Variants in MGAT4C observed in about 807,000 individuals in gnomAD.
MGAT4C encodes MGAT4 family member C.
A neutral mutation model predicts 40.1 loss-of-function variants in MGAT4C; 19 were observed. That is an observed-to-expected ratio of 0.47 (90% CI 0.33 to 0.70). The LOEUF is 0.70. MGAT4C is among the 30% of genes least tolerant of loss of function. The pLI is 0.02. For synonymous variants in MGAT4C, 181 were observed against 187.1 expected (o/e 0.97, Z 0.27); for missense variants, 491 against 563.2 (o/e 0.87, Z 1.30).
chr12:86,825,041 A>T (rs1277647707), intron 1 of MGAT4C, among the ~76,000 whole-genome samples: 2 of 151,374 alleles, frequency 1.3e-5, no homozygotes, highest in East Asian at 1.9e-4. Flanking sequence ...ATCAAAAATG[A>T]CTAGAAAAAC....
At chr12:86,607,265 TTTA>T (rs1207681349) in intron 2 of MGAT4C, among the ~76,000 whole-genome samples, 5 of 152,040 alleles carry the variant, frequency 3.3e-5, no homozygotes, top group African/African-American at 1.2e-4. Flanking sequence ...TAAAACTACA[TTTA>T]TTATTAACTT....
Position 85,980,119 on chromosome 12 carries a change from T to A in MGAT4C, c.607A>T (p.Asn203Tyr), listed in dbSNP as rs1884386243. Residue 203 changes from asparagine (N) to tyrosine (Y), a missense_variant, in exon 5 of 5, where the codon AAT becomes TAT. Physicochemically the swap from Asn to Tyr is moderately radical, Grantham distance 143 (BLOSUM62 -2). Transcript: ENST00000611864. ...EDRVKFRSKQ[N>Y]VDYAFLLNFC... Reference sequence around the variant, plus strand: ...TTAAGCAGAAAAGCATAATCTACATTTTGCTTGGAACGAAATTTGACTCTA... The same window carrying A: ...TTAAGCAGAAAAGCATAATCTACATATTGCTTGGAACGAAATTTGACTCTA... 1 of 1,613,898 alleles carries A rather than the reference T, an allele frequency of 6.2e-7. No individual in the cohort carries two copies. Among genetic ancestry groups the A allele is most frequent in the Non-Finnish European group, 8.5e-7 (1 of 1,179,876 alleles).
chr12:86,549,749 T>C (rs1959254778), intron 2 of MGAT4C, among the ~76,000 whole-genome samples: 1 of 152,114 alleles, frequency 6.6e-6, no homozygotes, highest in African/African-American at 2.4e-5. Flanking sequence ...AAGATTTGAC[T>C]GGAGGGAGAG....
intron 1 of MGAT4C, among the ~76,000 whole-genome samples, chr12:86,167,362 G>A (rs1319326298): frequency 6.6e-6 from 1 of 152,146 alleles, no homozygotes; most frequent in Non-Finnish European, 1.5e-5. Flanking sequence ...TGATGTAGAT[G>A]GTGGTTAATA....
chr12:86,163,447 C>T (rs1159690631), intron 1 of MGAT4C, among the ~76,000 whole-genome samples: 1 of 152,130 alleles, frequency 6.6e-6, no homozygotes, highest in Admixed American at 6.5e-5. Context: ...CCACCTCAGC[C>T]TCCAAAACTG....
intron 3 of MGAT4C, among the ~76,000 whole-genome samples, chr12:86,408,753 A>G (rs1956539962): frequency 6.6e-6 from 1 of 151,842 alleles, no homozygotes; most frequent in South Asian, 2.1e-4. Flanking sequence ...CTCTTTGAAT[A>G]GATTGATCTC....
intron 2 of MGAT4C, among the ~76,000 whole-genome samples, chr12:86,553,850 G>T (rs1270614695): frequency 6.6e-6 from 1 of 152,030 alleles, no homozygotes; most frequent in South Asian, 2.1e-4. Context: ...ATAAATATAT[G>T]AATACCTGCC....
intron 3 of MGAT4C, among the ~76,000 whole-genome samples, chr12:86,422,736 C>A (rs1249462696): frequency 6.6e-6 from 1 of 152,102 alleles, no homozygotes; most frequent in African/African-American, 2.4e-5. Context: ...ATTTAAAATT[C>A]AATTGTACTG....
chr12:85,994,400 T>C (rs554563791), intron 2 of MGAT4C, among the ~76,000 whole-genome samples: 7 of 152,246 alleles, frequency 4.6e-5, no homozygotes, highest in Non-Finnish European at 8.8e-5. Context: ...TGAGAACATT[T>C]ACACCCATTG....
At chr12:86,266,057 C>T (rs1420745189) in intron 4 of MGAT4C, among the ~76,000 whole-genome samples, 2 of 151,860 alleles carry the variant, frequency 1.3e-5, no homozygotes, top group Admixed American at 1.3e-4. Context: ...TAGGTTTTTC[C>T]ACCTGTAAGA....
At chr12:85,989,798 GA>G (rs542001061) in intron 2 of MGAT4C, among the ~76,000 whole-genome samples, 6 of 152,056 alleles carry the variant, frequency 3.9e-5, no homozygotes, top group Admixed American at 3.3e-4. Flanking sequence ...AGTTACTGAC[GA>G]AAAAAGATGA....
intron 1 of MGAT4C, among the ~76,000 whole-genome samples, chr12:86,092,170 T>C (rs1215346372): frequency 1.3e-5 from 2 of 152,130 alleles, no homozygotes; most frequent in African/African-American, 4.8e-5. Context: ...AGCTACCTCA[T>C]GCTCAAACAG....
chr12:86,161,161 C>T (rs1885546487), intron 1 of MGAT4C, among the ~76,000 whole-genome samples: 1 of 151,858 alleles, frequency 6.6e-6, no homozygotes, highest in Admixed American at 6.6e-5. Context: ...AAAATGATTC[C>T]AAAATTCACA....
In MGAT4C at chr12:86,109,388, TG is replaced by T. The variant is rs202244235; in HGVS notation, c.-56-59666del. Among the ~76,000 whole-genome samples, 5 of 152,250 alleles carry T rather than the reference TG, an allele frequency of 3.3e-5. No homozygotes were observed. The East Asian group carries it at 9.7e-4, about 29-fold the overall frequency. ...GAAGTCATATTCTTATACTAGCTATTGTTTCTGAGTTTTCTTAAAGAGTTAA... is the reference window on the plus strand; with the variant it reads ...GAAGTCATATTCTTATACTAGCTATTTTTCTGAGTTTTCTTAAAGAGTTAA... On this transcript the variant is annotated intron_variant, in intron 1 of 4. Transcript: ENST00000611864.
intron 1 of MGAT4C, among the ~76,000 whole-genome samples, chr12:86,159,457 T>C (rs568556637): frequency 6.6e-6 from 1 of 152,060 alleles, no homozygotes; most frequent in African/African-American, 2.4e-5. Context: ...TGTGTCTATG[T>C]TCATGAGGGA....
chr12:86,014,895 C>T (rs1888911056), intron 2 of MGAT4C, among the ~76,000 whole-genome samples: 1 of 151,698 alleles, frequency 6.6e-6, no homozygotes, highest in South Asian at 2.1e-4. Context: ...GATCCTCCCA[C>T]TTCAGCCTCC....
intron 3 of MGAT4C, among the ~76,000 whole-genome samples, chr12:86,412,322 T>C (rs1956623309): frequency 6.6e-6 from 1 of 152,200 alleles, no homozygotes; most frequent in South Asian, 2.1e-4. Context: ...GCACTCAATG[T>C]TAGCCCTTGA....
chr12:86,097,682 G>T (rs1463282846), intron 1 of MGAT4C, among the ~76,000 whole-genome samples: 2 of 151,494 alleles, frequency 1.3e-5, no homozygotes, highest in Non-Finnish European at 3.0e-5. Context: ...ATTGAGGAAA[G>T]AAACTACATA....
chr12:86,734,232 A>G (rs989964532), intron 1 of MGAT4C, among the ~76,000 whole-genome samples: 1 of 152,130 alleles, frequency 6.6e-6, no homozygotes, highest in Admixed American at 6.6e-5. Context: ...ATTGCTAACA[A>G]GAGATATTAG....
Sources: allele counts gnomAD v4.1 joint callset (sites outside exome capture counted in the v4.1 genomes callset), GRCh38; gene constraint gnomAD v4.1.1; transcripts MANE v1.5; gene names NCBI Gene and HGNC (gene_info 2026-07-23, HGNC 2026-07-21).